COMMD1: variants seen among roughly 807,000 people sequenced by gnomAD.
COMMD1 encodes COMM domain-containing protein 1.
Under a neutral mutation model 17.2 loss-of-function variants are expected in COMMD1, and 10 were observed. That is an observed-to-expected ratio of 0.58 (90% CI 0.36 to 0.99). COMMD1 has a LOEUF of 0.99. COMMD1 is among the 50% of genes least tolerant of loss of function. COMMD1 has a pLI of 0.01. For synonymous variants in COMMD1, 97 were observed against 91.6 expected (o/e 1.06, Z -0.34); for missense variants, 270 against 231.8 (o/e 1.17, Z -1.07).
At chr2:61,985,142 C>A (rs192706219) in intron 1 of COMMD1, among the ~76,000 whole-genome samples, 4 of 151,858 alleles carry the variant, frequency 2.6e-5, no homozygotes, top group African/African-American at 9.7e-5. Flanking sequence ...GCTCCGCCTC[C>A]CAGGTTAATG....
chr2:61,894,910 C>G (rs907235258), intron 1 of COMMD1, among the ~76,000 whole-genome samples: 6 of 152,048 alleles, frequency 3.9e-5, no homozygotes, highest in Non-Finnish European at 5.9e-5. Context: ...GTTGGCCAGG[C>G]TGGTCTCAAA....
chr2:62,078,694 C>CT (rs960513335), intron 2 of COMMD1, among the ~76,000 whole-genome samples: 11 of 149,798 alleles, frequency 7.3e-5, no homozygotes, highest in Non-Finnish European at 1.2e-4. Context: ...TGGTGAAACT[C>CT]TATCTCTATT....
At chr2:61,954,415 G>A (rs1361158066) in intron 1 of COMMD1, among the ~76,000 whole-genome samples, 1 of 152,170 alleles carries the variant, frequency 6.6e-6, no homozygotes, top group East Asian at 1.9e-4. Flanking sequence ...CCCTCCCATG[G>A]CTTGTTTTGT....
intron 2 of COMMD1, among the ~76,000 whole-genome samples, chr2:62,106,258 A>G (rs1672322266): frequency 6.6e-6 from 1 of 152,230 alleles, no homozygotes. Context: ...TAATCAAATA[A>G]TCAATTTGTT....
chr2:62,052,961 C>G (rs562637857), intron 2 of COMMD1, among the ~76,000 whole-genome samples: 1 of 152,078 alleles, frequency 6.6e-6, no homozygotes, highest in Admixed American at 6.6e-5. Context: ...CCCAGCTACT[C>G]GGGAGGCTGA....
intron 1 of COMMD1, among the ~76,000 whole-genome samples, chr2:61,906,947 A>T (rs938860790): frequency 6.6e-6 from 1 of 152,148 alleles, no homozygotes; most frequent in African/African-American, 2.4e-5. Context: ...TGCCTACAGG[A>T]TTTGAATCCA....
chr2:62,043,882 T>G lies in COMMD1; in HGVS notation c.462+42900T>G, dbSNP rs553873768. Among the ~76,000 whole-genome samples the G allele has an allele frequency of 1.7e-4, 26 of 152,318 alleles. No homozygotes were observed. The South Asian group carries it at 5.2e-3, about 30-fold the overall frequency. ...TCATTCTTTCTGGTTAGGCTCTATA[T>G]CTGTTTTTTCCTGATGCTATGTCAG... On this transcript the variant is annotated intron_variant, in intron 2 of 2. Transcript: ENST00000311832.
At chr2:61,954,886 G>A (rs962766311) in intron 1 of COMMD1, among the ~76,000 whole-genome samples, 1 of 152,108 alleles carries the variant, frequency 6.6e-6, no homozygotes, top group Admixed American at 6.5e-5. Flanking sequence ...TGTTGCCCAG[G>A]CTGGTCTCAA....
chr2:61,905,694 C>A lies in COMMD1; in HGVS notation c.16C>A (p.Leu6Ile), dbSNP rs1255072644. Residue 6 changes from leucine to isoleucine, a missense_variant, in exon 1 of 3, where the codon CTT becomes ATT. Coordinates refer to ENST00000311832, the MANE Select transcript of COMMD1 (RefSeq NM_152516.4). MAAGE[L>I]EGGKPLSGLL... ...TTCGCAGAGCATGGCGGCGGGCGAG[C>A]TTGAGGGTGGCAAACCCCTGAGCGG... 3.8e-6 allele frequency: 6 copies of A among 1,574,010 alleles called. No homozygotes were observed. The highest frequency in any genetic ancestry group is 5.2e-6 in the Non-Finnish European group (6 of 1,158,138).
chr2:61,915,788 G>A (rs1670032851), intron 1 of COMMD1: 2 of 400,454 alleles, frequency 5.0e-6, no homozygotes, highest in Non-Finnish European at 4.9e-6. Flanking sequence ...GAGCCACCAC[G>A]CTTGGCCTTT....
chr2:61,939,236 A>C (rs1268338156), intron 1 of COMMD1, among the ~76,000 whole-genome samples: 1 of 151,286 alleles, frequency 6.6e-6, no homozygotes, highest in Non-Finnish European at 1.5e-5. Flanking sequence ...GGTGGGTCAC[A>C]AGGTCAGGAG....
At chr2:62,023,087 A>G (rs1669653323) in intron 2 of COMMD1, among the ~76,000 whole-genome samples, 1 of 152,114 alleles carries the variant, frequency 6.6e-6, no homozygotes, top group African/African-American at 2.4e-5. Context: ...TTAGCTGGGC[A>G]TGGTGGCACA....
chr2:61,975,602 T>C (rs1428364292), intron 1 of COMMD1, among the ~76,000 whole-genome samples: 2 of 152,208 alleles, frequency 1.3e-5, no homozygotes, highest in Non-Finnish European at 2.9e-5. Flanking sequence ...TAAATTTCTT[T>C]ATAAGCACTG....
intron 1 of COMMD1, among the ~76,000 whole-genome samples, chr2:61,959,496 AT>A: frequency 6.6e-6 from 1 of 152,310 alleles, no homozygotes; most frequent in Middle Eastern, 3.4e-3. Flanking sequence ...TATAAATGTA[AT>A]TTTATTTAAT....
rs539279009 is a variant in COMMD1 at position 61,932,921 on chromosome 2, A to G, written c.180+27063A>G. Among the ~76,000 whole-genome samples, 90 of 152,284 alleles carry G rather than the reference A, an allele frequency of 5.9e-4. No homozygotes were observed. The Middle Eastern group carries it at 0.01, about 17-fold the overall frequency. On this transcript the variant is annotated intron_variant, in intron 1 of 2. Transcript: ENST00000311832. Reference sequence around the variant, plus strand: ...GGGATGACCAAGTGCCAACCAGCTCAGTGGAGGGTCAGAGTGGCAGCTCCT... The same window carrying G: ...GGGATGACCAAGTGCCAACCAGCTCGGTGGAGGGTCAGAGTGGCAGCTCCT...
At chr2:61,966,972 C>T (rs1671522231) in intron 1 of COMMD1, among the ~76,000 whole-genome samples, 1 of 151,980 alleles carries the variant, frequency 6.6e-6, no homozygotes, top group South Asian at 2.1e-4. Flanking sequence ...AGAGCAGTAA[C>T]ATTTTTTCTC....
intron 1 of COMMD1, among the ~76,000 whole-genome samples, chr2:61,994,060 C>T (rs1207294638): frequency 6.6e-6 from 1 of 152,058 alleles, no homozygotes; most frequent in Admixed American, 6.6e-5. Context: ...AATCTTGGCT[C>T]ACTGCAACCT....
chr2:62,060,915 C>T (rs185639075), intron 2 of COMMD1, among the ~76,000 whole-genome samples: 77 of 152,082 alleles, frequency 5.1e-4, no homozygotes, highest in African/African-American at 1.9e-3. Context: ...CTTTTTTTCT[C>T]TCTTTTCAAA....
intron 2 of COMMD1, among the ~76,000 whole-genome samples, chr2:62,039,660 C>T (rs375627266): frequency 3.3e-5 from 5 of 152,130 alleles, no homozygotes; most frequent in African/African-American, 7.2e-5. Context: ...TTCTGTCTGA[C>T]GAAGGAACAT....
Sources: gnomAD v4.1 joint callset for allele counts (sites outside exome capture counted in the v4.1 genomes callset) on GRCh38, gnomAD v4.1.1 for gene constraint, MANE v1.5 for transcripts, NCBI Gene and HGNC (gene_info 2026-07-23, HGNC 2026-07-21) for gene names.